The following AAMDC variants were observed in gnomAD, a reference collection of about 807,000 sequenced individuals.
The protein encoded by AAMDC is adipogenesis associated Mth938 domain containing.
A neutral mutation model predicts 15.5 loss-of-function variants in AAMDC; 16 were observed. The ratio of observed to expected loss-of-function variants is 1.03; its 90% CI spans 0.70 to 1.57. The LOEUF is 1.57. AAMDC is among the 40% of genes most tolerant of loss of function. The pLI is 0.00. For missense variants in AAMDC, 141 were observed against 144.9 expected (o/e 0.97, Z 0.14); for synonymous variants, 51 against 51.6 (o/e 0.99, Z 0.05).
intron 2 of AAMDC, among the ~76,000 whole-genome samples, chr11:77,857,096 C>T (rs1009311456): frequency 1.3e-5 from 2 of 152,200 alleles, no homozygotes; most frequent in African/African-American, 2.4e-5. Context: ...TATGTAGGTT[C>T]TGCTTACTGG....
intron 5 of AAMDC, among the ~76,000 whole-genome samples, chr11:77,892,883 T>G (rs1201717551): frequency 6.6e-6 from 1 of 152,124 alleles, no homozygotes; most frequent in Non-Finnish European, 1.5e-5. Context: ...GTGCCCAGCC[T>G]CAAAACTAGG....
intron 2 of AAMDC, among the ~76,000 whole-genome samples, chr11:77,868,258 T>C (rs1451634953): frequency 6.6e-6 from 1 of 151,584 alleles, no homozygotes; most frequent in Non-Finnish European, 1.5e-5. Flanking sequence ...GGTTTCACCG[T>C]GTTAGCCAGG....
intron 3 of AAMDC, among the ~76,000 whole-genome samples, chr11:77,871,563 G>T (rs1951431495): frequency 6.6e-6 from 1 of 152,202 alleles, no homozygotes; most frequent in Non-Finnish European, 1.5e-5. Flanking sequence ...AGACATTTGA[G>T]CTGCAGTGTA....
intron 1 of AAMDC, among the ~76,000 whole-genome samples, chr11:77,831,144 CAGAAAAA>C (rs556105026): frequency 7.4e-4 from 112 of 152,020 alleles, no homozygotes; most frequent in South Asian, 2.1e-3. Context: ...GACCCTGTCT[CAGAAAAA>C]AGAAAGAAGG....
intron 1 of AAMDC, chr11:77,829,939 C>T (rs1459911366): frequency 6.6e-6 from 1 of 152,150 alleles, no homozygotes; most frequent in East Asian, 1.9e-4. Flanking sequence ...TGAGACCATC[C>T]TGGGAAACAT....
At chr11:77,856,363 A>G (rs899658630) in intron 2 of AAMDC, among the ~76,000 whole-genome samples, 6 of 152,110 alleles carry the variant, frequency 3.9e-5, no homozygotes, top group African/African-American at 1.2e-4. Context: ...GGAATTTCCA[A>G]ATTTGCCCTC....
At chr11:77,888,470 C>T (rs1952116171) in intron 5 of AAMDC, among the ~76,000 whole-genome samples, 2 of 152,212 alleles carry the variant, frequency 1.3e-5, no homozygotes, top group South Asian at 4.2e-4. Context: ...CCATAAAAAC[C>T]CTAGAAGAAA....
At chr11:77,856,274 C>A (rs1293261084) in intron 2 of AAMDC, among the ~76,000 whole-genome samples, 4 of 152,218 alleles carry the variant, frequency 2.6e-5, no homozygotes. Flanking sequence ...AGTTCCTCAT[C>A]TCCGAGACCT....
At chr11:77,897,776 G>A (rs1952595718) in intron 5 of AAMDC, among the ~76,000 whole-genome samples, 1 of 151,456 alleles carries the variant, frequency 6.6e-6, no homozygotes, top group Non-Finnish European at 1.5e-5. Context: ...AAGTGCTGGG[G>A]TTACAGGCGT....
At chr11:77,844,705 A>C (rs1005921902) in intron 2 of AAMDC, among the ~76,000 whole-genome samples, 2 of 152,094 alleles carry the variant, frequency 1.3e-5, no homozygotes, top group Non-Finnish European at 2.9e-5. Flanking sequence ...ATTTGCTCTT[A>C]GGACCATTTC....
chr11:77,900,860 T>A (rs1411465166), downstream of AAMDC: 1 of 516,306 alleles, frequency 1.9e-6, no homozygotes, highest in Non-Finnish European at 3.4e-6. Context: ...ATGCTAAGTG[T>A]TTTTACATGT....
intron 1 of AAMDC, among the ~76,000 whole-genome samples, chr11:77,821,490 C>G (rs886098139): frequency 6.6e-6 from 1 of 151,956 alleles, no homozygotes. Flanking sequence ...GCTGGAAAAG[C>G]AGGATCTGAG....
At chr11:77,839,120 G>A (rs1000459816) in intron 1 of AAMDC, among the ~76,000 whole-genome samples, 2 of 152,106 alleles carry the variant, frequency 1.3e-5, no homozygotes, top group Admixed American at 1.3e-4. Flanking sequence ...CAATTACTCA[G>A]ATACAGTTTC....
chr11:77,845,628 C>T (rs1022888093), intron 2 of AAMDC, among the ~76,000 whole-genome samples: 3 of 152,066 alleles, frequency 2.0e-5, no homozygotes, highest in Non-Finnish European at 2.9e-5. Flanking sequence ...CAGGGTTTTA[C>T]CATGTTGGCC....
chr11:77,897,784 C>G (rs1379382673), intron 5 of AAMDC, among the ~76,000 whole-genome samples: 1 of 151,872 alleles, frequency 6.6e-6, no homozygotes, highest in Non-Finnish European at 1.5e-5. Flanking sequence ...GGGTTACAGG[C>G]GTTAGCCACC....
downstream of AAMDC, among the ~76,000 whole-genome samples, chr11:77,874,789 C>T (rs1055500088): frequency 3.3e-5 from 5 of 152,140 alleles, no homozygotes; most frequent in South Asian, 2.1e-4. Flanking sequence ...GTAATCCCAG[C>T]GCTTTGGGAG....
At position 77,842,594 on chromosome 11, in the gene AAMDC, G is replaced by T. The variant is rs1481786889; in HGVS notation, c.98G>T (p.Ser33Ile). The T allele has an allele frequency of 1.2e-6, 2 of 1,613,912 alleles. No individual in the cohort carries two copies. The highest frequency in any genetic ancestry group is 1.7e-6 in the Non-Finnish European group (2 of 1,179,972). ...YKDCKVWPGG[S>I]RTWDWRETGT... ...GACTGCAAAGTATGGCCAGGGGGTA[G>T]TCGGACTTGGGATTGGAGAGAAACA... Residue 33 changes from serine (S) to isoleucine (I), a missense_variant, in exon 2 of 4, where the codon AGT (serine) becomes ATT (isoleucine). Coordinates refer to ENST00000393427, the MANE Select transcript of AAMDC (RefSeq NM_024684.4).
At chr11:77,861,929 T>C (rs1950896656) in intron 2 of AAMDC, among the ~76,000 whole-genome samples, 1 of 152,228 alleles carries the variant, frequency 6.6e-6, no homozygotes, top group South Asian at 2.1e-4. Flanking sequence ...GTGATAAACC[T>C]ATCCTTTAAG....
chr11:77,895,527 G>GAAA lies in AAMDC; in HGVS notation c.329-5016_329-5014dup, dbSNP rs71046921. 2.9e-3 allele frequency among the ~76,000 whole-genome samples: 114 copies of GAAA among 39,256 alleles called. 5 individuals carry two copies. The highest frequency in any genetic ancestry group is 0.01 in the African/African-American group (111 of 10,686). 25.8% of individuals were successfully genotyped at this position (39,256 alleles called of 152,430 possible). ...CAACATTCATTCTAATTCTTTTCCT[G>GAAA]AAAAAAAAAAAAAAAAAAAAAAAAA... On this transcript the variant is annotated intron_variant, in intron 5 of 5. Coordinates refer to the AAMDC transcript ENST00000304716.
Sources: gnomAD v4.1 joint callset for allele counts (sites outside exome capture counted in the v4.1 genomes callset) on GRCh38, gnomAD v4.1.1 for gene constraint, MANE v1.5 for transcripts, NCBI Gene and HGNC (gene_info 2026-07-23, HGNC 2026-07-21) for gene names.